The following CACNA1E variants were observed in gnomAD, a reference collection of about 807,000 sequenced individuals.
CACNA1E encodes the protein voltage-dependent R-type calcium channel subunit alpha-1E.
CACNA1E carries 40 observed loss-of-function variants against 259.2 expected under a neutral mutation model. The ratio of observed to expected loss-of-function variants is 0.15; its 90% confidence interval spans 0.12 to 0.20. CACNA1E has a LOEUF of 0.20. Among genes scored for constraint, CACNA1E ranks in the 10% least tolerant of loss-of-function variants. CACNA1E has a pLI of 1.00. For missense variants in CACNA1E, 1,874 were observed against 3,040.1 expected, an observed-to-expected ratio of 0.62 and a Z score of 9.02; for synonymous variants, 1,104 against 1,138.5, an observed-to-expected ratio of 0.97 and a Z score of 0.61.
At chr1:181,685,948 T>C (rs1476412011) in intron 7 of CACNA1E, among the ~76,000 whole-genome samples, 1 of 152,172 alleles carries the variant, frequency 6.6e-6, no homozygotes, top group Non-Finnish European at 1.5e-5. Context: ...TTGGGTTTCA[T>C]TTGAGTTAGA....
rs2102913352 is a variant in CACNA1E at position 181,798,759 on chromosome 1, G to A, written c.6867G>A (p.Gly2289=). ...GGCACTATCGGCGGCGGAGGCGCGGGGGGCCTGGGCCAGGCATGATGTGTG... is the reference window on the plus strand; with the variant it reads ...GGCACTATCGGCGGCGGAGGCGCGGAGGGCCTGGGCCAGGCATGATGTGTG... The part of the protein sequence containing the change: ...PNGHYRRRRR[G]GPGPGMMCGA... The change falls in exon 48 of 48, where the codon GGG becomes GGA. Residue 2289 remains glycine, a synonymous_variant. Coordinates refer to ENST00000367573, the MANE Select transcript of CACNA1E (RefSeq NM_001205293.3). The surrounding 1 kb of genome is among the most constrained non-coding windows in gnomAD (Gnocchi z 4.2). The A allele has an allele frequency of 6.2e-7, 1 of 1,600,518 alleles. No homozygotes were observed. The highest frequency in any genetic ancestry group is 8.5e-7 in the Non-Finnish European group (1 of 1,173,196).
At chr1:181,425,280 C>T (rs985816653) in intron 2 of CACNA1E, among the ~76,000 whole-genome samples, 1 of 152,058 alleles carries the variant, frequency 6.6e-6, no homozygotes, top group African/African-American at 2.4e-5. Context: ...ATGAGCGCCC[C>T]GAGACTCCCA....
intron 3 of CACNA1E, among the ~76,000 whole-genome samples, chr1:181,544,371 T>C (rs1647232707): frequency 6.7e-6 from 1 of 149,906 alleles, no homozygotes; most frequent in African/African-American, 2.5e-5. Flanking sequence ...AATTAGATAG[T>C]GGTGATGGTT....
At chr1:181,629,911 A>G (rs1656550322) in intron 6 of CACNA1E, among the ~76,000 whole-genome samples, 1 of 152,212 alleles carries the variant, frequency 6.6e-6, no homozygotes, top group South Asian at 2.1e-4. Context: ...GTGTGGGTCT[A>G]CTTTAATGAG....
At chr1:181,667,639 T>C (rs532323992) in intron 7 of CACNA1E, among the ~76,000 whole-genome samples, 35 of 152,200 alleles carry the variant, frequency 2.3e-4, no homozygotes, top group African/African-American at 7.5e-4. Flanking sequence ...CAGCCACAGA[T>C]AGAGGTTTCT....
intron 7 of CACNA1E, among the ~76,000 whole-genome samples, chr1:181,678,527 A>G (rs938428720): frequency 1.3e-5 from 2 of 152,220 alleles, no homozygotes; most frequent in Admixed American, 6.5e-5. Flanking sequence ...TCTAACATGT[A>G]TGTATCTAAC....
intron 3 of CACNA1E, among the ~76,000 whole-genome samples, chr1:181,543,531 G>A (rs983803668): frequency 1.3e-5 from 2 of 152,178 alleles, no homozygotes; most frequent in Non-Finnish European, 2.9e-5. Context: ...CAGAACAGCC[G>A]TAAGAGAGCT....
intron 35 of CACNA1E, 127 bp downstream of exon 35, chr1:181,766,738 GGTCTT>G (rs1192119776): frequency 2.8e-6 from 2 of 702,288 alleles, no homozygotes; most frequent in African/African-American, 3.6e-5. Flanking sequence ...GCTCCCCTGA[GGTCTT>G]GTCACAGTGT....
intron 6 of CACNA1E, among the ~76,000 whole-genome samples, chr1:181,593,909 G>A (rs1234806551): frequency 6.6e-6 from 1 of 152,204 alleles, no homozygotes; most frequent in African/African-American, 2.4e-5. Flanking sequence ...TGAATGAGCT[G>A]GGGCTGAGCC....
intron 3 of CACNA1E, among the ~76,000 whole-genome samples, chr1:181,559,563 A>G (rs541097303): frequency 2.0e-5 from 3 of 152,342 alleles, no homozygotes; most frequent in African/African-American, 7.2e-5. Context: ...TCAGAAGGAA[A>G]GGGAGGAATT....
intron 7 of CACNA1E, among the ~76,000 whole-genome samples, chr1:181,700,704 C>T (rs1240810394): frequency 6.6e-6 from 1 of 152,100 alleles, no homozygotes; most frequent in Non-Finnish European, 1.5e-5. Context: ...TCTAAGATAC[C>T]CTGAAGATGT....
rs545765817 is a variant in CACNA1E, at chr1:181,484,742, T to A, written c.266+732T>A. 9.4e-4 allele frequency among the ~76,000 whole-genome samples: 143 copies of A among 152,300 alleles called. 1 individual carries two copies. Among genetic ancestry groups the A allele is most frequent in the Admixed American group, 1.9e-3 (29 of 15,294 alleles). On this transcript the variant is annotated intron_variant, in intron 1 of 47. Coordinates refer to ENST00000367573, the MANE Select transcript of CACNA1E (RefSeq NM_001205293.3). ...TCCTTGGTCCTTGGTTGGGTACTCT[T>A]GCTTCTTAGTGCTTGACCCAGCTGA...
chr1:181,777,543 G>GTCTT (rs889399690), intron 38 of CACNA1E, among the ~76,000 whole-genome samples: 1 of 152,052 alleles, frequency 6.6e-6, no homozygotes, highest in African/African-American at 2.4e-5. Flanking sequence ...TTTCTTTCTG[G>GTCTT]TCTTACTTTC....
In CACNA1E at chr1:181,776,822, G is replaced by A. The variant is rs1383063184; in HGVS notation, c.5267+594G>A. 6.6e-6 allele frequency among the ~76,000 whole-genome samples: 1 copy of A among 152,238 alleles called. No individual in the cohort carries two copies. Among genetic ancestry groups the A allele is most frequent in the East Asian group, 1.9e-4 (1 of 5,204 alleles). On this transcript the variant is annotated intron_variant, in intron 38 of 47. Transcript: ENST00000367573. This position sits in a 1 kb window ranked among gnomAD's most constrained non-coding sequence, Gnocchi z 4.4. ...TCTTTTGCTGTTTAGTAGTTCTGAA[G>A]TGATAGCGTGCCTTCTAGGCTCTAG...
chr1:181,715,466 A>G, intron 9 of CACNA1E, 75 bp downstream of exon 9: 2 of 816,064 alleles, frequency 2.5e-6, no homozygotes, highest in African/African-American at 1.7e-5. Flanking sequence ...GTTATTCAAA[A>G]GGAGAGAAAG....
intron 1 of CACNA1E, among the ~76,000 whole-genome samples, chr1:181,505,509 C>T (rs1400348550): frequency 2.0e-5 from 3 of 152,044 alleles, no homozygotes; most frequent in Admixed American, 2.0e-4. Flanking sequence ...GTAGCTGGGA[C>T]TACAGGTGCG....
chr1:181,601,641 C>T (rs1202625523), intron 6 of CACNA1E, among the ~76,000 whole-genome samples: 1 of 152,204 alleles, frequency 6.6e-6, no homozygotes, highest in East Asian at 1.9e-4. Context: ...GCCTACCAAT[C>T]CTGACCTCCA....
At chr1:181,578,815 C>T (rs1651232787) in intron 4 of CACNA1E, among the ~76,000 whole-genome samples, 1 of 152,186 alleles carries the variant, frequency 6.6e-6, no homozygotes. Context: ...ACTAATTGTG[C>T]TTCCCCAACA....
At chr1:181,668,682 A>C (rs921227367) in intron 7 of CACNA1E, 9 of 152,148 alleles carry the variant, frequency 5.9e-5, no homozygotes, top group African/African-American at 1.9e-4. Context: ...TATACAATGA[A>C]CATTAATAAG....
Sources: gnomAD v4.1 joint callset for allele counts (sites outside exome capture counted in the v4.1 genomes callset) on GRCh38, gnomAD v4.1.1 for gene constraint, Gnocchi (gnomAD v3.1) non-coding constraint, MANE v1.5 for transcripts, NCBI Gene and HGNC (gene_info 2026-07-23, HGNC 2026-07-21) for gene names.